AGAP1: variants seen among roughly 807,000 people sequenced by gnomAD.
The protein encoded by AGAP1 is arf-GAP with GTPase, ANK repeat and PH domain-containing protein 1.
AGAP1 carries 29 observed loss-of-function variants against 105.3 expected under a neutral mutation model. The ratio of observed to expected loss-of-function variants is 0.28; its 90% CI spans 0.21 to 0.38. The LOEUF is 0.38. Among genes scored for constraint, AGAP1 ranks in the 10% least tolerant of loss-of-function variants. The pLI is 1.00. For synonymous variants in AGAP1, 509 were observed against 485.9 expected, an observed-to-expected ratio of 1.05 and a Z score of -0.63; for missense variants, 998 against 1,165.1, an observed-to-expected ratio of 0.86 and a Z score of 2.09.
At chr2:235,916,580 TCCTGTCTCAGAC>T in intron 11 of AGAP1, among the ~76,000 whole-genome samples, 1 of 152,296 alleles carries the variant, frequency 6.6e-6, no homozygotes, top group South Asian at 2.1e-4. Flanking sequence ...ATCCCATTTC[TCCTGTCTCAGAC>T]CCTTCTGAAG....
rs1279600974 is a variant in AGAP1 at position 235,807,279 on chromosome 2, T to C, written c.998T>C (p.Leu333Pro). The C allele has an allele frequency of 2.5e-6, 4 of 1,606,694 alleles. No homozygotes were observed. The highest frequency in any genetic ancestry group is 2.5e-6 in the Non-Finnish European group (3 of 1,178,096). The stretch of plus-strand genomic sequence containing the variant: ...GACCCAGACAAAGAGAAGAAAGGCC[T>C]GGAGAGTCGTGCGGACAGCATTGGG... ...GSDPDKEKKG[L>P]ESRADSIGSG... is the part of the protein sequence containing the mutation. Residue 333 changes from leucine to proline, a missense_variant, in exon 9 of 18, where the codon CTG (leucine) becomes CCG (proline). Leu to Pro is a moderately conservative substitution (Grantham distance 98, BLOSUM62 -3). This residue lies in a region of AGAP1 where 735 missense variants were observed against 833.4 expected (regional missense o/e 0.88). Coordinates refer to ENST00000304032, the MANE Select transcript of AGAP1 (RefSeq NM_001037131.3).
chr2:235,825,894 G>A (rs566164736), intron 9 of AGAP1, among the ~76,000 whole-genome samples: 18 of 152,228 alleles, frequency 1.2e-4, no homozygotes, highest in African/African-American at 3.9e-4. Context: ...ATGGATAAAT[G>A]AGAGGATGGA....
rs2053808518 is a variant in AGAP1, at chr2:235,953,103, T to A, written c.1484-15359T>A. ...CATGCCACCCACCTCCAATAAAGGCTTGGGAGTCGCAAGGATCCCTTTTCA... is the reference window on the plus strand; with the variant it reads ...CATGCCACCCACCTCCAATAAAGGCATGGGAGTCGCAAGGATCCCTTTTCA... On this transcript the variant is annotated intron_variant, in intron 12 of 17. Transcript: ENST00000304032. The surrounding 1 kb of genome is among the most constrained non-coding windows in gnomAD (Gnocchi z 5.2). Among the ~76,000 whole-genome samples, 1 of 152,228 alleles carries A rather than the reference T, an allele frequency of 6.6e-6. No individual in the cohort carries two copies. The highest frequency in any genetic ancestry group is 1.5e-5 in the Non-Finnish European group (1 of 68,044).
chr2:235,670,236 CCGGCGGCCCGGACCCACGCCCGGTT>C (rs1380471480), intron 1 of AGAP1: 8 of 567,560 alleles, frequency 1.4e-5, no homozygotes, highest in African/African-American at 5.9e-5. Context: ...GCGCCGGGCT[CCGGCGGCCCGGACCCACGCCCGGTT>C]CGGCGGCCCC....
In AGAP1 at chr2:236,078,155, G is replaced by T. The variant is rs889716725; in HGVS notation, c.2114+28874G>T. 1.4e-4 allele frequency among the ~76,000 whole-genome samples: 20 copies of T among 146,380 alleles called. No homozygotes were observed. The highest frequency in any genetic ancestry group is 4.8e-4 in the Admixed American group (7 of 14,608). ...AAGTGTGTAGGGCAGGCCAGCCGGG[G>T]GTGTGTGTGTGTGTGTGTGTATATG... On this transcript the variant is annotated intron_variant, in intron 16 of 17. Coordinates refer to ENST00000304032, the MANE Select transcript of AGAP1 (RefSeq NM_001037131.3). This position sits in a 1 kb window ranked among gnomAD's most constrained non-coding sequence, Gnocchi z 5.3.
rs922395924 is a variant in AGAP1, at chr2:235,845,390, A to C, written c.1051-37955A>C. ...TTCTGGGAGTGCAGATTTTGCAGAC[A>C]TGGAAGCAGAAAATCATATGATACC... On this transcript the variant is annotated intron_variant, in intron 9 of 17. Transcript: ENST00000304032. This position sits in a 1 kb window ranked among gnomAD's most constrained non-coding sequence, Gnocchi z 4.8. 2.0e-5 allele frequency among the ~76,000 whole-genome samples: 3 copies of C among 152,172 alleles called. No homozygotes were observed. Among genetic ancestry groups the C allele is most frequent in the African/African-American group, 7.2e-5 (3 of 41,516 alleles).
intron 1 of AGAP1, among the ~76,000 whole-genome samples, chr2:235,564,231 G>T (rs1289310026): frequency 6.6e-6 from 1 of 152,170 alleles, no homozygotes; most frequent in Non-Finnish European, 1.5e-5. Flanking sequence ...CAGCCAGGAT[G>T]CTTTTCTTGG....
At chr2:235,980,951 G>A (rs1222427427) in intron 13 of AGAP1, among the ~76,000 whole-genome samples, 2 of 152,346 alleles carry the variant, frequency 1.3e-5, no homozygotes. Flanking sequence ...CTATGTAGAA[G>A]TGAAAACTGG....
chr2:235,598,761 T>G (rs374276907), intron 1 of AGAP1, among the ~76,000 whole-genome samples: 22 of 152,024 alleles, frequency 1.4e-4, no homozygotes, highest in African/African-American at 5.1e-4. Flanking sequence ...CCCAGGGCTG[T>G]GTGTTTGGTG....
chr2:235,750,594 C>A lies in AGAP1; in HGVS notation c.673+106C>A. The A allele has an allele frequency of 6.6e-7, 1 of 1,524,656 alleles. No individual in the cohort carries two copies. Among genetic ancestry groups the A allele is most frequent in the South Asian group, 1.2e-5 (1 of 86,562 alleles). 94.4% of individuals were successfully genotyped at this position (1,524,656 alleles called of 1,614,324 possible). On this transcript the variant is annotated intron_variant, in intron 6 of 17. Coordinates refer to ENST00000304032, the MANE Select transcript of AGAP1 (RefSeq NM_001037131.3). The surrounding 1 kb of genome is among the most constrained non-coding windows in gnomAD (Gnocchi z 5.3). ...GTGCATGTGGGTGGTGGAAATATGT[C>A]GTTGATGGGTGGGCATTAGTATCGA... is the stretch of plus-strand genomic sequence containing the variant.
intron 10 of AGAP1, among the ~76,000 whole-genome samples, chr2:235,894,881 T>C (rs751965905): frequency 6.6e-6 from 1 of 152,248 alleles, no homozygotes; most frequent in African/African-American, 2.4e-5. Flanking sequence ...CGCTTCCATG[T>C]TGGTTCCAAC....
In AGAP1 at chr2:236,051,232, G is replaced by T. The variant is rs927105738; in HGVS notation, c.2114+1951G>T. Among the ~76,000 whole-genome samples the T allele has an allele frequency of 6.6e-6, 1 of 152,212 alleles. No individual in the cohort carries two copies. Among genetic ancestry groups the T allele is most frequent in the African/African-American group, 2.4e-5 (1 of 41,464 alleles). On this transcript the variant is annotated intron_variant, in intron 16 of 17. Coordinates refer to ENST00000304032, the MANE Select transcript of AGAP1 (RefSeq NM_001037131.3). This position sits in a 1 kb window ranked among gnomAD's most constrained non-coding sequence, Gnocchi z 5.9. The stretch of plus-strand genomic sequence containing the variant: ...CACCTAAGAAGATAAACACATACGA[G>T]AACTGAATATTTCTTTGTGCCTGTA...
In AGAP1 at chr2:236,101,063, A is replaced by C. The variant is rs1001051242; in HGVS notation, c.2115-19129A>C. On this transcript the variant is annotated intron_variant, in intron 16 of 17. Coordinates refer to ENST00000304032, the MANE Select transcript of AGAP1 (RefSeq NM_001037131.3). The surrounding 1 kb of genome is among the most constrained non-coding windows in gnomAD (Gnocchi z 4.9). ...GCAGACCCAGGCCCCTCATTCCATC[A>C]GTTTCTTTCAGCATGTTTCCATGTT... is the stretch of plus-strand genomic sequence containing the variant. Among the ~76,000 whole-genome samples the C allele has an allele frequency of 6.6e-6, 1 of 152,140 alleles. No homozygotes were observed. The highest frequency in any genetic ancestry group is 2.4e-5 in the African/African-American group (1 of 41,426).
At chr2:235,681,298 C>T (rs1949058035) in intron 1 of AGAP1, among the ~76,000 whole-genome samples, 1 of 152,170 alleles carries the variant, frequency 6.6e-6, no homozygotes, top group Non-Finnish European at 1.5e-5. Flanking sequence ...CGTGAGCCAC[C>T]ATGCCCGGCA....
At chr2:235,948,626 T>G (rs2053601186) in intron 12 of AGAP1, among the ~76,000 whole-genome samples, 1 of 152,148 alleles carries the variant, frequency 6.6e-6, no homozygotes, top group Admixed American at 6.5e-5. Flanking sequence ...AAAAAGTGAG[T>G]GCAGTGAGTC....
chr2:235,539,111 T>C (rs1943349297), intron 1 of AGAP1, among the ~76,000 whole-genome samples: 1 of 152,202 alleles, frequency 6.6e-6, no homozygotes, highest in Non-Finnish European at 1.5e-5. Context: ...TGATTTGAAA[T>C]GGTGATCTGC....
At chr2:235,593,662 A>C (rs1945423881) in intron 1 of AGAP1, among the ~76,000 whole-genome samples, 1 of 152,124 alleles carries the variant, frequency 6.6e-6, no homozygotes, top group African/African-American at 2.4e-5. Flanking sequence ...GTGTAGCGCT[A>C]CAGCTAATTC....
chr2:236,061,353 A>G lies in AGAP1; in HGVS notation c.2114+12072A>G, dbSNP rs1246357263. 6.6e-6 allele frequency among the ~76,000 whole-genome samples: 1 copy of G among 152,180 alleles called. No homozygotes were observed. Among genetic ancestry groups the G allele is most frequent in the East Asian group, 1.9e-4 (1 of 5,190 alleles). The stretch of plus-strand genomic sequence containing the variant: ...ACCCAGCCATTCCTCCCCCAGGTCT[A>G]TACCTAAGATAAATGAAAACACTTG... On this transcript the variant is annotated intron_variant, in intron 16 of 17. Coordinates refer to ENST00000304032, the MANE Select transcript of AGAP1 (RefSeq NM_001037131.3). The surrounding 1 kb of genome is among the most constrained non-coding windows in gnomAD (Gnocchi z 4.1).
chr2:235,497,431 A>AGGTGC (rs1941365898), intron 1 of AGAP1, among the ~76,000 whole-genome samples: 1 of 152,228 alleles, frequency 6.6e-6, no homozygotes, highest in African/African-American at 2.4e-5. Context: ...TCAGGACAGC[A>AGGTGC]GGTGCACATC....
Sources: allele counts gnomAD v4.1 joint callset (sites outside exome capture counted in the v4.1 genomes callset), GRCh38; gene constraint gnomAD v4.1.1; regional missense constraint gnomAD v4.1.1; non-coding constraint Gnocchi (gnomAD v3.1); transcripts MANE v1.5; gene names NCBI Gene and HGNC (gene_info 2026-07-23, HGNC 2026-07-21).